The following SLCO3A1 variants were observed in gnomAD, a reference collection of about 807,000 sequenced individuals.
The protein encoded by SLCO3A1 is PGE1 transporter.
Under a neutral mutation model 63.1 loss-of-function variants are expected in SLCO3A1, and 27 were observed. That is an observed-to-expected ratio of 0.43 (90% confidence interval 0.32 to 0.59). The LOEUF (loss-of-function observed/expected upper bound fraction) is 0.59, where lower values mean the gene tolerates loss of function less well. Among genes scored for constraint, SLCO3A1 ranks in the 20% least tolerant of loss-of-function variants. The probability of loss-of-function intolerance (pLI) is 0.09; values close to 1 mark genes in which losing one functional copy is unlikely to be tolerated. For missense variants in SLCO3A1, 773 were observed against 945.8 expected (o/e 0.82, Z 2.40); for synonymous variants, 473 against 409.9 (o/e 1.15, Z -1.86).
At chr15:92,031,725 G>T (rs1597239897) in intron 2 of SLCO3A1, among the ~76,000 whole-genome samples, 1 of 152,276 alleles carries the variant, frequency 6.6e-6, no homozygotes, top group East Asian at 1.9e-4. Flanking sequence ...TTTGAAACAG[G>T]CATACAATGC....
chr15:92,156,207 A>C (rs2048369737), intron 9 of SLCO3A1, among the ~76,000 whole-genome samples: 1 of 152,246 alleles, frequency 6.6e-6, no homozygotes, highest in Admixed American at 6.5e-5. Context: ...CAAGCACAGC[A>C]TGCCCAGGGG....
intron 3 of SLCO3A1, among the ~76,000 whole-genome samples, 189 bp downstream of exon 3, chr15:92,095,168 T>G (rs2047523485): frequency 1.3e-5 from 2 of 152,178 alleles, no homozygotes. Flanking sequence ...CTGACTCAAG[T>G]CTGGGTTCTG....
intron 2 of SLCO3A1, among the ~76,000 whole-genome samples, chr15:92,080,983 T>TGTGTGTATGGGG (rs1372668903): frequency 7.0e-6 from 1 of 143,696 alleles, no homozygotes; most frequent in Non-Finnish European, 1.5e-5. Flanking sequence ...TGTGTGTGTG[T>TGTGTGTATGGGG]GTATGGGGTA....
Position 91,856,974 on chromosome 15 carries a change from G to A in SLCO3A1, c.180+2886G>A, listed in dbSNP as rs1896935540. Among the ~76,000 whole-genome samples the A allele has an allele frequency of 6.6e-6, 1 of 151,794 alleles. No individual in the cohort carries two copies. The highest frequency in any genetic ancestry group is 1.5e-5 in the Non-Finnish European group (1 of 68,004). On this transcript the variant is annotated intron_variant, in intron 1 of 9. Transcript: ENST00000318445. This position sits in a 1 kb window ranked among gnomAD's most constrained non-coding sequence, Gnocchi z 4.9. ...CACTAGTGTAGGCTTCCCAACTGCA[G>A]AACTGAAGCAGAAGGTTGCCTGTGA...
At chr15:91,887,938 T>C (rs1897768282) in intron 1 of SLCO3A1, among the ~76,000 whole-genome samples, 1 of 152,196 alleles carries the variant, frequency 6.6e-6, no homozygotes, top group Admixed American at 6.5e-5. Context: ...TCTTACACAC[T>C]GTATGTGCTG....
rs1406808076 is a variant in SLCO3A1, at chr15:91,982,016, G to T, written c.646+65558G>T. Among the ~76,000 whole-genome samples, 4 of 152,368 alleles carry T rather than the reference G, an allele frequency of 2.6e-5. No individual in the cohort carries two copies. In the East Asian group the frequency reaches 5.8e-4, roughly 22 times the overall value. On this transcript the variant is annotated intron_variant, in intron 2 of 9. Transcript: ENST00000318445. ...ACTTGTTGAAGTTATGCACATCATTGCAGGAGAGGGGCGTGCCCACAGCTG... is the reference window on the plus strand; with the variant it reads ...ACTTGTTGAAGTTATGCACATCATTTCAGGAGAGGGGCGTGCCCACAGCTG...
Position 91,926,607 on chromosome 15 carries a change from A to ACG in SLCO3A1, c.646+10151_646+10152dup, listed in dbSNP as rs150359710. 4.2e-3 allele frequency among the ~76,000 whole-genome samples: 565 copies of ACG among 135,622 alleles called. 7 individuals carry two copies. The highest frequency in any genetic ancestry group is 0.016 in the African/African-American group (532 of 33,652). The allele number at this position is 135,622 out of a possible 152,430, so 89.0% of individuals were successfully genotyped here. ...TGTGTGTGTGTGTGTGCGCGCGCGC[A>ACG]CGCCCATGCTTATTTTAAACCACAT... On this transcript the variant is annotated intron_variant, in intron 2 of 9. Coordinates refer to ENST00000318445, the MANE Select transcript of SLCO3A1 (RefSeq NM_013272.4).
At chr15:92,056,220 A>G (rs1258600911) in intron 2 of SLCO3A1, among the ~76,000 whole-genome samples, 1 of 152,120 alleles carries the variant, frequency 6.6e-6, no homozygotes. Flanking sequence ...ACATTTGTTC[A>G]GCCTTTGGGG....
intron 2 of SLCO3A1, among the ~76,000 whole-genome samples, chr15:91,931,821 A>ACACACACTCT (rs1323570307): frequency 1.3e-5 from 2 of 151,262 alleles, no homozygotes; most frequent in African/African-American, 4.9e-5. Context: ...ACACACACAC[A>ACACACACTCT]CTCACACAGG....
At chr15:92,143,667 G>T (rs1424671342) in intron 7 of SLCO3A1, among the ~76,000 whole-genome samples, 1 of 147,194 alleles carries the variant, frequency 6.8e-6, no homozygotes, top group Non-Finnish European at 1.5e-5. Context: ...TTAAGTTGGT[G>T]CAAAATTGTG....
At chr15:92,001,205 T>TGGGGGGGC (rs1312168718) in intron 2 of SLCO3A1, among the ~76,000 whole-genome samples, 1 of 5,124 alleles carries the variant, frequency 2.0e-4, no homozygotes, top group Admixed American at 2.3e-3. Flanking sequence ...AAGGACCAGG[T>TGGGGGGGC]GGGTGGGCGG....
intron 1 of SLCO3A1, among the ~76,000 whole-genome samples, chr15:91,858,626 C>A (rs1421387873): frequency 2.0e-5 from 3 of 152,208 alleles, no homozygotes; most frequent in African/African-American, 7.2e-5. Context: ...CGCCAAGAGG[C>A]CTCTCTGCAG....
intron 3 of SLCO3A1, among the ~76,000 whole-genome samples, chr15:92,102,610 C>T (rs2047619504): frequency 6.6e-6 from 1 of 152,186 alleles, no homozygotes; most frequent in South Asian, 2.1e-4. Context: ...TACACTGTCC[C>T]CTCTCCAGCA....
Position 91,968,058 on chromosome 15 carries a change from A to G in SLCO3A1, c.646+51600A>G, listed in dbSNP as rs964351021. On this transcript the variant is annotated intron_variant, in intron 2 of 9. Coordinates refer to ENST00000318445, the MANE Select transcript of SLCO3A1 (RefSeq NM_013272.4). The surrounding 1 kb of genome is among the most constrained non-coding windows in gnomAD (Gnocchi z 4.2). ...GATGCTTCCATCCTGAACATTTTCTAGAGTCCCCTGCCTAGTCGCCCTGGA... is the reference window on the plus strand; with the variant it reads ...GATGCTTCCATCCTGAACATTTTCTGGAGTCCCCTGCCTAGTCGCCCTGGA... Among the ~76,000 whole-genome samples the G allele has an allele frequency of 1.3e-5, 2 of 152,102 alleles. No individual in the cohort carries two copies. The highest frequency in any genetic ancestry group is 1.3e-4 in the Admixed American group (2 of 15,276).
intron 3 of SLCO3A1, among the ~76,000 whole-genome samples, chr15:92,096,193 C>T (rs949631901): frequency 3.3e-5 from 5 of 152,142 alleles, no homozygotes; most frequent in African/African-American, 9.7e-5. Flanking sequence ...TCCAAGCTCA[C>T]TGCCATGGGC....
intron 2 of SLCO3A1, among the ~76,000 whole-genome samples, chr15:92,010,939 A>G (rs559499183): frequency 7.2e-5 from 11 of 152,362 alleles, no homozygotes; most frequent in South Asian, 2.1e-4. Flanking sequence ...TGTGTCTTAC[A>G]TGGATCTTCA....
chr15:91,959,723 C>CAAAAAAAA (rs34759500), intron 2 of SLCO3A1, among the ~76,000 whole-genome samples: 4 of 71,982 alleles, frequency 5.6e-5, no homozygotes, highest in African/African-American at 1.1e-4. Flanking sequence ...GACTCCATCT[C>CAAAAAAAA]AAAAAAAAAA....
intron 2 of SLCO3A1, among the ~76,000 whole-genome samples, chr15:92,046,252 C>T (rs903084464): frequency 2.0e-5 from 3 of 152,024 alleles, no homozygotes; most frequent in Admixed American, 1.3e-4. Context: ...TGGTGGGTCA[C>T]ACCTGTAATA....
chr15:92,160,047 C>A (rs534004645), intron 9 of SLCO3A1, among the ~76,000 whole-genome samples: 11 of 152,096 alleles, frequency 7.2e-5, no homozygotes, highest in Non-Finnish European at 1.6e-4. Flanking sequence ...AAAGCATTTA[C>A]TAGAGGTGTC....
Sources: gnomAD v4.1 joint callset for allele counts (sites outside exome capture counted in the v4.1 genomes callset) on GRCh38, gnomAD v4.1.1 for gene constraint, Gnocchi (gnomAD v3.1) non-coding constraint, MANE v1.5 for transcripts, NCBI Gene and HGNC (gene_info 2026-07-23, HGNC 2026-07-21) for gene names.